Variants in SEC14L1 observed in about 807,000 individuals in gnomAD.
The protein encoded by SEC14L1 is SEC14 like lipid binding 1.
SEC14L1 carries 48 observed loss-of-function variants against 85.3 expected under a neutral mutation model. The observed-to-expected ratio is 0.56, with a 90% CI of 0.45 to 0.72. The LOEUF is 0.72. Among genes scored for constraint, SEC14L1 ranks in the 30% least tolerant of loss-of-function variants. The pLI, the probability that SEC14L1 is intolerant of heterozygous loss-of-function variation, is 0.00. For synonymous variants in SEC14L1, 391 were observed against 355.5 expected (o/e 1.10, Z -1.12); for missense variants, 682 against 921.4 (o/e 0.74, Z 3.36).
intron 3 of SEC14L1, among the ~76,000 whole-genome samples, chr17:77,167,182 C>T (rs1974323663): frequency 1.4e-5 from 2 of 146,636 alleles, no homozygotes; most frequent in Non-Finnish European, 3.0e-5. Flanking sequence ...GTTTCCCAGG[C>T]CAGAGGGCAG....
chr17:77,191,173 T>C lies in SEC14L1; in HGVS notation c.214-8T>C. 6.2e-7 allele frequency: 1 copy of C among 1,610,132 alleles called. No individual in the cohort carries two copies. Among genetic ancestry groups the C allele is most frequent in the Non-Finnish European group, 8.5e-7 (1 of 1,177,268 alleles). On this transcript the variant is annotated splice_region_variant and splice_polypyrimidine_tract_variant and intron_variant, in intron 4 of 16. Transcript: ENST00000436233. ...ATAAACCCATTTCTCTTTCTTTTTT[T>C]TTTGAAGATTGCAGGAGTTGATTAT...
In SEC14L1 at chr17:77,216,501, G is replaced by C. The variant is rs779334864; in HGVS notation, c.*2478G>C. 37 of 1,612,794 alleles carry C rather than the reference G, an allele frequency of 2.3e-5. No homozygotes were observed. Among genetic ancestry groups the C allele is most frequent in the Non-Finnish European group, 3.1e-5 (36 of 1,179,262 alleles). ...GTGCTTCCTGTTCCCAAATCACAAG[G>C]GCCTGAAGGTGGTCCCTGCTTTCTC... On this transcript the variant is annotated 3_prime_UTR_variant, in exon 17 of 17. Transcript: ENST00000436233.
chr17:77,110,145 A>G (rs1362758774), intron 3 of SEC14L1, among the ~76,000 whole-genome samples: 2 of 152,244 alleles, frequency 1.3e-5, no homozygotes, highest in Non-Finnish European at 2.9e-5. Flanking sequence ...AGGAATACAT[A>G]AGAAGCCTTC....
At chr17:77,117,369 CA>C (rs1290066107) in intron 3 of SEC14L1, among the ~76,000 whole-genome samples, 2 of 151,224 alleles carry the variant, frequency 1.3e-5, no homozygotes, top group Non-Finnish European at 3.0e-5. Flanking sequence ...CAAAACAAAA[CA>C]AAAAAAATGC....
At position 77,213,683 on chromosome 17, in the gene SEC14L1, C is replaced by G; in HGVS notation, c.2042+191C>G. 1 of 862,640 alleles carries G rather than the reference C, an allele frequency of 1.2e-6. No homozygotes were observed. The highest frequency in any genetic ancestry group is 2.6e-5 in the East Asian group (1 of 37,970). The allele number at this position is 862,640 out of a possible 1,614,324, so 53.4% of individuals were successfully genotyped here. On this transcript the variant is annotated intron_variant, in intron 16 of 16. Transcript: ENST00000436233. The surrounding 1 kb of genome is among the most constrained non-coding windows in gnomAD (Gnocchi z 7.1). ...CTGCCTGTCTGCAGAGGGAGAGTGTCGGAGACAGAGCCGACTGACTGCCTT... is the reference window on the plus strand; with the variant it reads ...CTGCCTGTCTGCAGAGGGAGAGTGTGGGAGACAGAGCCGACTGACTGCCTT...
In SEC14L1 at chr17:77,214,245, G is replaced by A. The variant is rs998826502; in HGVS notation, c.*222G>A. ...CTCAATAGCCATAGATTTTGTATAC[G>A]TTGTGCACAAAATCCAACCAGAGCG... On this transcript the variant is annotated 3_prime_UTR_variant, in exon 17 of 17. Transcript: ENST00000436233. 1.4e-4 allele frequency: 195 copies of A among 1,352,672 alleles called. No homozygotes were observed. Among genetic ancestry groups the A allele is most frequent in the Non-Finnish European group, 1.6e-4 (174 of 1,054,904 alleles). The allele number at this position is 1,352,672 out of a possible 1,614,324, so 83.8% of individuals were successfully genotyped here.
At chr17:77,158,922 G>A (rs1209900699) in intron 3 of SEC14L1, among the ~76,000 whole-genome samples, 1 of 134,298 alleles carries the variant, frequency 7.4e-6, no homozygotes, top group African/African-American at 2.8e-5. Flanking sequence ...AGCAATTCTC[G>A]TGCCTCCCAA....
intron 3 of SEC14L1, among the ~76,000 whole-genome samples, chr17:77,145,853 C>CTGGA (rs1973277293): frequency 6.6e-6 from 1 of 152,154 alleles, no homozygotes; most frequent in Admixed American, 6.5e-5. Context: ...GCTCCATGTG[C>CTGGA]TGGAGCCTTC....
chr17:77,103,445 G>T (rs188513716), intron 3 of SEC14L1, among the ~76,000 whole-genome samples: 6 of 148,310 alleles, frequency 4.0e-5, no homozygotes, highest in Admixed American at 2.7e-4. Context: ...TTTTTTTTTT[G>T]TTGTTGTTTT....
At chr17:77,203,853 G>T (rs1036809954) in intron 10 of SEC14L1, among the ~76,000 whole-genome samples, 195 bp downstream of exon 10, 1 of 152,176 alleles carries the variant, frequency 6.6e-6, no homozygotes, top group African/African-American at 2.4e-5. Flanking sequence ...CACAGTGGAA[G>T]CGTCAGTGAG....
chr17:77,212,945 C>T (rs1431371863), intron 15 of SEC14L1, among the ~76,000 whole-genome samples: 1 of 152,186 alleles, frequency 6.6e-6, no homozygotes, highest in African/African-American at 2.4e-5. Flanking sequence ...GGATGATTGG[C>T]AGCATGTCAG....
intron 3 of SEC14L1, among the ~76,000 whole-genome samples, chr17:77,112,524 C>T (rs1346832633): frequency 6.6e-6 from 1 of 152,152 alleles, no homozygotes; most frequent in Admixed American, 6.5e-5. Context: ...CATTAATCCA[C>T]CTCTCAGGAC....
At chr17:77,109,243 C>T (rs1386698079) in intron 3 of SEC14L1, among the ~76,000 whole-genome samples, 1 of 152,154 alleles carries the variant, frequency 6.6e-6, no homozygotes, top group East Asian at 1.9e-4. Context: ...ACAAAGACAA[C>T]AAGAAAAAGA....
intron 11 of SEC14L1, among the ~76,000 whole-genome samples, chr17:77,205,970 A>C (rs768358603): frequency 2.0e-5 from 3 of 152,200 alleles, no homozygotes; most frequent in Non-Finnish European, 4.4e-5. Context: ...CTCACTGAGC[A>C]TATCTGAGAG....
rs1344555501 is a variant in SEC14L1, at chr17:77,214,702, A to G, written c.*679A>G. ...GAAAATGCTGCCATCGTTAAACATT[A>G]CTTTCTCTTTCCTCCTTTTCAAATC... On this transcript the variant is annotated 3_prime_UTR_variant, in exon 17 of 17. Coordinates refer to ENST00000436233, the MANE Select transcript of SEC14L1 (RefSeq NM_001143998.2). 2 of 985,394 alleles carry G rather than the reference A, an allele frequency of 2.0e-6. No homozygotes were observed. Among genetic ancestry groups the G allele is most frequent in the Non-Finnish European group, 2.4e-6 (2 of 830,010 alleles). The allele number at this position is 985,394 out of a possible 1,614,324, so 61.0% of individuals were successfully genotyped here. A position where few individuals can be genotyped will look rare whatever the true frequency, so the allele number is the denominator to read the frequency against.
intron 3 of SEC14L1, among the ~76,000 whole-genome samples, chr17:77,178,833 C>T (rs918554589): frequency 2.0e-5 from 3 of 152,164 alleles, no homozygotes; most frequent in Non-Finnish European, 2.9e-5. Flanking sequence ...GCGCACGGAC[C>T]GGTAGGAGCT....
intron 3 of SEC14L1, among the ~76,000 whole-genome samples, chr17:77,190,405 G>T (rs1975469697): frequency 6.6e-6 from 1 of 152,118 alleles, no homozygotes. Context: ...AGATGGTCTT[G>T]ATTACTGTAG....
chr17:77,195,167 T>C (rs897201380), intron 7 of SEC14L1: 4 of 510,888 alleles, frequency 7.8e-6, no homozygotes, highest in Non-Finnish European at 1.4e-5. Flanking sequence ...AAGGTGTTTG[T>C]TTGTTTGTTT....
intron 3 of SEC14L1, among the ~76,000 whole-genome samples, chr17:77,112,867 CAA>C (rs372904192): frequency 1.5e-5 from 2 of 131,566 alleles, no homozygotes; most frequent in Non-Finnish European, 3.2e-5. Context: ...GAGCGAGACT[CAA>C]AAAAAAAAAA....
Sources: allele counts gnomAD v4.1 joint callset (sites outside exome capture counted in the v4.1 genomes callset), GRCh38; gene constraint gnomAD v4.1.1; non-coding constraint Gnocchi (gnomAD v3.1); transcripts MANE v1.5; gene names NCBI Gene and HGNC (gene_info 2026-07-23, HGNC 2026-07-21).